Variants in COL12A1 observed in about 807,000 individuals in gnomAD.
COL12A1 encodes the protein collagen alpha-1(XII) chain.
Under a neutral mutation model 349.7 loss-of-function variants are expected in COL12A1, and 114 were observed. The ratio of observed to expected loss-of-function variants is 0.33; its 90% confidence interval spans 0.28 to 0.38. The LOEUF (loss-of-function observed/expected upper bound fraction) is 0.38. Among genes scored for constraint, COL12A1 ranks in the 10% least tolerant of loss-of-function variants. The pLI, the probability that COL12A1 is intolerant of heterozygous loss-of-function variation, is 1.00. For synonymous variants in COL12A1, 1,369 were observed against 1,329.0 expected, an observed-to-expected ratio of 1.03 and a Z score of -0.66; for missense variants, 3,284 against 3,756.9, an observed-to-expected ratio of 0.87 and a Z score of 3.29.
intron 65 of COL12A1, 97 bp from the exon 66 acceptor site, chr6:75,086,654 AT>A: frequency 3.5e-6 from 1 of 281,880 alleles, no homozygotes. Flanking sequence ...TAAAGTATAT[AT>A]ATATATATAT....
rs995140448 is a variant in COL12A1 at position 75,138,478 on chromosome 6, T to C, written c.5200A>G (p.Ser1734Gly). 1.2e-6 allele frequency: 2 copies of C among 1,614,058 alleles called. No homozygotes were observed. Among genetic ancestry groups the C allele is most frequent in the East Asian group, 2.2e-5 (1 of 44,864 alleles). Residue 1734 changes from serine to glycine, a missense_variant, in exon 29 of 66, where the codon AGT becomes GGT. Physicochemically the swap from Ser to Gly is moderately conservative, Grantham distance 56 (BLOSUM62 0). This residue lies in a region of COL12A1 where 2,601 missense variants were observed against 2,824.8 expected (regional missense o/e 0.92). Transcript: ENST00000322507. ...CGCTCACTGCCAATCAGGTCATCAC[T>C]TTCTGACTCATCAGGATAGATGGCA... is the stretch of plus-strand genomic sequence containing the variant. ...ITAIYPDESE[S>G]DDLIGSERTL...
intron 33 of COL12A1, 82 bp from the exon 34 acceptor site, chr6:75,133,504 C>A: frequency 7.3e-7 from 1 of 1,362,474 alleles, no homozygotes; most frequent in Non-Finnish European, 1.0e-6. Context: ...AATACCAACT[C>A]AAGACCAAGT....
In COL12A1 at chr6:75,199,541, A is replaced by G. The variant is rs1770415825; in HGVS notation, c.73+3179T>C. On this transcript the variant is annotated intron_variant, in intron 2 of 65. Transcript: ENST00000322507. ...TTTCAGAAAACTTGTATTCATCTCT[A>G]ATCCTAGATTAATTAGAAAAGTGCC... is the stretch of plus-strand genomic sequence containing the variant. Among the ~76,000 whole-genome samples, 3 of 152,236 alleles carry G rather than the reference A, an allele frequency of 2.0e-5. No individual in the cohort carries two copies. The South Asian group carries it at 6.2e-4, about 32-fold the overall frequency.
intron 14 of COL12A1, among the ~76,000 whole-genome samples, chr6:75,165,210 G>A (rs769073493): frequency 1.4e-4 from 21 of 151,592 alleles, no homozygotes; most frequent in African/African-American, 4.6e-4. Context: ...AATTCTCTTC[G>A]CTTCATAGCT....
rs1220338873 is a variant in COL12A1, at chr6:75,133,922, G to A, written c.5600C>T (p.Ala1867Val). ...CTTGTACTGACGAGGATTTCCCTCTGCATGGTCCCAGCGGACATTCAAGGT... is the reference window on the plus strand; with the variant it reads ...CTTGTACTGACGAGGATTTCCCTCTACATGGTCCCAGCGGACATTCAAGGT... ...TSTLNVRWDHAEGNPRQYKLF... is the reference protein window; with the variant it reads ...TSTLNVRWDHVEGNPRQYKLF... The change falls in exon 33 of 66, where the codon GCA (alanine) becomes GTA (valine). Residue 1867 changes from alanine to valine, a missense_variant. Physicochemically the swap from Ala to Val is moderately conservative, Grantham distance 64. Transcript: ENST00000322507. The A allele has an allele frequency of 1.2e-6, 2 of 1,613,928 alleles. No individual in the cohort carries two copies. The highest frequency in any genetic ancestry group is 2.7e-5 in the African/African-American group (2 of 74,890).
At chr6:75,097,731 A>C (rs1436261134) in intron 58 of COL12A1, among the ~76,000 whole-genome samples, 4 of 152,216 alleles carry the variant, frequency 2.6e-5, no homozygotes, top group African/African-American at 9.7e-5. Flanking sequence ...GGTGAGAGGA[A>C]AGGAAAGTTA....
chr6:75,167,915 T>TA (rs1194324402), intron 13 of COL12A1, among the ~76,000 whole-genome samples: 2 of 152,156 alleles, frequency 1.3e-5, no homozygotes, highest in African/African-American at 2.4e-5. Flanking sequence ...AAAAATCAAC[T>TA]AAAAAATATT....
intron 46 of COL12A1, among the ~76,000 whole-genome samples, chr6:75,118,364 G>T (rs1284163714): frequency 6.6e-6 from 1 of 152,112 alleles, no homozygotes; most frequent in Non-Finnish European, 1.5e-5. Context: ...CAGATGACAA[G>T]TTCCATGTAA....
At chr6:75,199,994 T>TA (rs1770442711) in intron 2 of COL12A1, among the ~76,000 whole-genome samples, 1 of 152,132 alleles carries the variant, frequency 6.6e-6, no homozygotes, top group Non-Finnish European at 1.5e-5. Flanking sequence ...AGTATGAATA[T>TA]AAGAGTGCAA....
chr6:75,189,934 A>G, intron 5 of COL12A1, 119 bp from the exon 6 acceptor site: 2 of 1,108,828 alleles, frequency 1.8e-6, no homozygotes, highest in South Asian at 1.6e-5. Flanking sequence ...CATATTCACC[A>G]ATTGTTCTTC....
At chr6:75,146,292 C>T (rs1158626827) in intron 23 of COL12A1, 48 bp from the exon 24 acceptor site, 2 of 1,518,674 alleles carry the variant, frequency 1.3e-6, no homozygotes, top group South Asian at 1.4e-5. Context: ...TTTCATTCCA[C>T]TCATTTTTAA....
chr6:75,133,421 A>G lies in COL12A1; in HGVS notation c.5666T>C (p.Val1889Ala), dbSNP rs1385748307. The G allele has an allele frequency of 6.3e-7, 1 of 1,599,554 alleles. No individual in the cohort carries two copies. The highest frequency in any genetic ancestry group is 1.4e-5 in the African/African-American group (1 of 73,928). The change falls in exon 34 of 66, where the codon GTA becomes GCA. Residue 1889 changes from valine (V) to alanine (A), a missense_variant and splice_region_variant. Physicochemically the swap from Val to Ala is moderately conservative, Grantham distance 64. This residue lies in a region of COL12A1 where 2,601 missense variants were observed against 2,824.8 expected (regional missense o/e 0.92). Coordinates refer to ENST00000322507, the MANE Select transcript of COL12A1 (RefSeq NM_004370.6). ...APAAGGPEEL[V>A]PIPGNTNYAI... Reference sequence around the variant, plus strand: ...ATAATTGGTATTCCCGGGGATTGGTACCTAAAGATTTTAATAAAACAAAAA... The same window carrying G: ...ATAATTGGTATTCCCGGGGATTGGTGCCTAAAGATTTTAATAAAACAAAAA...
At chr6:75,141,614 T>G (rs1185746729) in intron 27 of COL12A1, among the ~76,000 whole-genome samples, 2 of 152,210 alleles carry the variant, frequency 1.3e-5, no homozygotes, top group Non-Finnish European at 2.9e-5. Flanking sequence ...CATGAACTGG[T>G]GAGGGCAAAG....
intron 38 of COL12A1, among the ~76,000 whole-genome samples, chr6:75,126,864 A>T (rs1191996114): frequency 6.6e-6 from 1 of 152,128 alleles, no homozygotes. Flanking sequence ...CATCAAATAC[A>T]TAAGATATTA....
At chr6:75,101,682 C>T (rs1208706702) in intron 57 of COL12A1, 29 bp from the exon 58 acceptor site, 3 of 1,605,586 alleles carry the variant, frequency 1.9e-6, no homozygotes, top group East Asian at 4.5e-5. Context: ...ACAAGTGAAA[C>T]ATTATAATAT....
At chr6:75,146,347 G>T in intron 23 of COL12A1, 103 bp from the exon 24 acceptor site, 1 of 1,201,636 alleles carries the variant, frequency 8.3e-7, no homozygotes, top group Non-Finnish European at 1.1e-6. Context: ...ATACTAGACA[G>T]TGGGTTACTG....
In COL12A1 at chr6:75,188,523, G is replaced by T. The variant is rs1769751783; in HGVS notation, c.836C>A (p.Ala279Glu). 6.2e-7 allele frequency: 1 copy of T among 1,612,336 alleles called. No individual in the cohort carries two copies. Among genetic ancestry groups the T allele is most frequent in the Admixed American group, 1.7e-5 (1 of 59,892 alleles). The change falls in exon 8 of 66, where the codon GCA becomes GAA. Residue 279 changes from alanine (A) to glutamate (E), a missense_variant. By Grantham distance (107) the Ala-to-Glu change is moderately radical. Coordinates refer to ENST00000322507, the MANE Select transcript of COL12A1 (RefSeq NM_004370.6). ...VEVFSLGIKAADAKELKQIAS... is the reference protein window; with the variant it reads ...VEVFSLGIKAEDAKELKQIAS... ...AATTTGTTTGAGTTCTTTTGCATCT[G>T]CAGCTTTAATGCCTTCAAAACAAAA...
At position 75,130,001 on chromosome 6, in the gene COL12A1, G is replaced by A. The variant is rs117991306; in HGVS notation, c.6210+90C>T. 8,855 of 1,437,586 alleles carry A rather than the reference G, an allele frequency of 6.2e-3. 37 individuals carry two copies. Among genetic ancestry groups the A allele is most frequent in the Non-Finnish European group, 7.6e-3 (7,986 of 1,047,374 alleles). 89.1% of individuals were successfully genotyped at this position (1,437,586 alleles called of 1,614,324 possible). ...AAGTGTGACTATCAAGGACTCAACC[G>A]TACTCACAGCATACCTCTAAAGAAG... On this transcript the variant is annotated intron_variant, in intron 37 of 65. Transcript: ENST00000322507.
In COL12A1 at chr6:75,119,201, A is replaced by G; in HGVS notation, c.7211-15T>C. 6.2e-7 allele frequency: 1 copy of G among 1,613,870 alleles called. No homozygotes were observed. Among genetic ancestry groups the G allele is most frequent in the Non-Finnish European group, 8.5e-7 (1 of 1,179,858 alleles). ...GAGGGCCTTGCCTACAGAATGTGGC[A>G]TGGAAAATTTTAGTGTCACTTCAGT... On this transcript the variant is annotated splice_polypyrimidine_tract_variant and intron_variant, in intron 45 of 65. Coordinates refer to ENST00000322507, the MANE Select transcript of COL12A1 (RefSeq NM_004370.6).
Sources: allele counts gnomAD v4.1 joint callset (sites outside exome capture counted in the v4.1 genomes callset), GRCh38; gene constraint gnomAD v4.1.1; regional missense constraint gnomAD v4.1.1; transcripts MANE v1.5; gene names NCBI Gene and HGNC (gene_info 2026-07-23, HGNC 2026-07-21).